Variants in CWH43 observed in about 807,000 individuals in gnomAD.
The protein encoded by CWH43 is PGAP2-interacting protein.
Under a neutral mutation model 85.7 loss-of-function variants are expected in CWH43, and 91 were observed. The observed-to-expected ratio is 1.06, with a 90% CI of 0.90 to 1.26. The LOEUF (loss-of-function observed/expected upper bound fraction) is 1.26. Among genes scored for constraint, CWH43 ranks in the 50% most tolerant of loss-of-function variants. The pLI, the probability that CWH43 is intolerant of heterozygous loss-of-function variation, is 0.00. For synonymous variants in CWH43, 323 were observed against 293.6 expected (o/e 1.10, Z -1.02); for missense variants, 869 against 839.2 (o/e 1.04, Z -0.44).
At chr4:49,034,007 G>T (rs1474747987) in intron 12 of CWH43, among the ~76,000 whole-genome samples, 1 of 152,030 alleles carries the variant, frequency 6.6e-6, no homozygotes, top group African/African-American at 2.4e-5. Flanking sequence ...ATCCGTGAAA[G>T]CATATTTGAA....
intron 5 of CWH43, among the ~76,000 whole-genome samples, chr4:48,995,251 A>T (rs1202961649): frequency 6.6e-6 from 1 of 152,076 alleles, no homozygotes; most frequent in Non-Finnish European, 1.5e-5. Flanking sequence ...TGGGGCACAG[A>T]TCTCTATTCT....
chr4:49,000,520 A>G (rs1168488041), intron 6 of CWH43, among the ~76,000 whole-genome samples: 1 of 152,212 alleles, frequency 6.6e-6, no homozygotes, highest in Non-Finnish European at 1.5e-5. Flanking sequence ...GTCAGTGCTG[A>G]GTTTGCATTA....
At chr4:49,040,178 C>A (rs999280022) in intron 13 of CWH43, among the ~76,000 whole-genome samples, 1 of 152,174 alleles carries the variant, frequency 6.6e-6, no homozygotes, top group Non-Finnish European at 1.5e-5. Context: ...CAAGTCTTTG[C>A]TATTGTGAAT....
chr4:49,037,380 C>A (rs1404219035), intron 12 of CWH43, among the ~76,000 whole-genome samples: 1 of 152,088 alleles, frequency 6.6e-6, no homozygotes, highest in Admixed American at 6.5e-5. Context: ...GACCAGCCTG[C>A]CCAACATGCA....
intron 14 of CWH43, among the ~76,000 whole-genome samples, chr4:49,048,729 T>C (rs1000999707): frequency 6.6e-6 from 1 of 152,074 alleles, no homozygotes; most frequent in African/African-American, 2.4e-5. Flanking sequence ...TATGACCTCA[T>C]TTAACCTTAA....
At chr4:49,047,553 G>T (rs1392394239) in intron 14 of CWH43, among the ~76,000 whole-genome samples, 2 of 152,244 alleles carry the variant, frequency 1.3e-5, no homozygotes, top group East Asian at 3.9e-4. Context: ...TTGGAAGGAG[G>T]GAGCCATTTG....
intron 15 of CWH43, among the ~76,000 whole-genome samples, chr4:49,056,671 T>C (rs1293594608): frequency 2.6e-5 from 4 of 152,016 alleles, no homozygotes; most frequent in Non-Finnish European, 4.4e-5. Flanking sequence ...TTTTTTTCTC[T>C]AATATTTATT....
Position 49,017,464 on chromosome 4 carries a change from G to A in CWH43, c.1266+136G>A. On this transcript the variant is annotated intron_variant, in intron 9 of 15. Coordinates refer to ENST00000226432, the MANE Select transcript of CWH43 (RefSeq NM_025087.3). ...GGCCCTATCTCCTTAACCCTTATGT[G>A]CCAGACTGATAAGATAGTGGGATTA... is the stretch of plus-strand genomic sequence containing the variant. 1.8e-5 allele frequency: 10 copies of A among 563,434 alleles called. No individual in the cohort carries two copies. The South Asian group carries it at 2.3e-4, about 13-fold the overall frequency. The allele number at this position is 563,434 out of a possible 1,614,324, so 34.9% of individuals were successfully genotyped here. A position where few individuals can be genotyped will look rare whatever the true frequency, so the allele number is the denominator to read the frequency against.
At chr4:49,018,483 T>C (rs560517247) in intron 9 of CWH43, among the ~76,000 whole-genome samples, 1 of 152,356 alleles carries the variant, frequency 6.6e-6, no homozygotes, top group East Asian at 1.9e-4. Flanking sequence ...TTACAGATAA[T>C]TCTTGATTTT....
At chr4:48,993,483 G>A (rs1307578388) in intron 4 of CWH43, among the ~76,000 whole-genome samples, 3 of 152,056 alleles carry the variant, frequency 2.0e-5, no homozygotes, top group South Asian at 2.1e-4. Context: ...CAGCCATACT[G>A]TCAGACCCTA....
chr4:49,050,879 A>G (rs1784770885), intron 15 of CWH43, 30 bp downstream of exon 15: 2 of 1,545,920 alleles, frequency 1.3e-6, no homozygotes, highest in Non-Finnish European at 1.8e-6. Context: ...AGTTCCAGTT[A>G]TGAGCTACTG....
chr4:49,041,639 G>A (rs1235628695), intron 13 of CWH43, among the ~76,000 whole-genome samples: 9 of 151,986 alleles, frequency 5.9e-5, no homozygotes, highest in African/African-American at 1.2e-4. Context: ...TTAAGGAGAT[G>A]TATTTCTTTA....
intron 11 of CWH43, 145 bp downstream of exon 11, chr4:49,031,105 G>C: frequency 1.4e-6 from 1 of 703,014 alleles, no homozygotes; most frequent in Non-Finnish European, 2.2e-6. Context: ...CTGGAGATAT[G>C]CACATTCTGT....
intron 9 of CWH43, among the ~76,000 whole-genome samples, chr4:49,020,414 C>CATAT (rs1187127418): frequency 5.2e-5 from 3 of 57,626 alleles, no homozygotes; most frequent in African/African-American, 7.4e-5. Context: ...CACACACACA[C>CATAT]ACATATATAT....
intron 14 of CWH43, 48 bp downstream of exon 14, chr4:49,044,895 C>G (rs1405588921): frequency 6.8e-7 from 1 of 1,479,312 alleles, no homozygotes; most frequent in African/African-American, 1.4e-5. Flanking sequence ...TTAATGTGAT[C>G]TTTTGGGTCT....
In CWH43 at chr4:48,991,918, ATACTTTTGCACT is replaced by A; in HGVS notation, c.357-14_357-3del. 6.2e-7 allele frequency: 1 copy of A among 1,605,386 alleles called. No individual in the cohort carries two copies. Among genetic ancestry groups the A allele is most frequent in the Non-Finnish European group, 8.5e-7 (1 of 1,173,550 alleles). Reference sequence around the variant, plus strand: ...GAGTCCACATAAAAAGTGTTTAAAAATACTTTTGCACTTACAGGTACCTCAGAATTTGGGGAT... The same window carrying A: ...GAGTCCACATAAAAAGTGTTTAAAAATACAGGTACCTCAGAATTTGGGGAT... On this transcript the variant is annotated splice_polypyrimidine_tract_variant and splice_region_variant and intron_variant, in intron 3 of 15. Transcript: ENST00000226432.
intron 9 of CWH43, among the ~76,000 whole-genome samples, chr4:49,020,586 GC>G (rs1487355923): frequency 6.6e-6 from 1 of 152,138 alleles, no homozygotes; most frequent in African/African-American, 2.4e-5. Flanking sequence ...GAGTGTGATT[GC>G]TGGATCAAAT....
chr4:49,006,842 G>A (rs1175277189), intron 7 of CWH43, among the ~76,000 whole-genome samples: 1 of 152,116 alleles, frequency 6.6e-6, no homozygotes, highest in Admixed American at 6.6e-5. Flanking sequence ...TGCACGGAAG[G>A]GCTCTTATTG....
chr4:49,041,083 G>C (rs2109824572), intron 13 of CWH43, among the ~76,000 whole-genome samples: 1 of 152,228 alleles, frequency 6.6e-6, no homozygotes, highest in South Asian at 2.1e-4. Flanking sequence ...TGAGGGCTCT[G>C]TTCTCTTCCA....
Sources: gnomAD v4.1 joint callset for allele counts (sites outside exome capture counted in the v4.1 genomes callset) on GRCh38, gnomAD v4.1.1 for gene constraint, MANE v1.5 for transcripts, NCBI Gene and HGNC (gene_info 2026-07-23, HGNC 2026-07-21) for gene names.